MED24: variants seen among roughly 807,000 people sequenced by gnomAD.
MED24 encodes mediator complex subunit 24.
Under a neutral mutation model 118.8 loss-of-function variants are expected in MED24, and 74 were observed. The observed-to-expected ratio is 0.62, with a 90% CI of 0.52 to 0.76. MED24 has a LOEUF of 0.76. Among genes scored for constraint, MED24 ranks in the 30% least tolerant of loss-of-function variants. The pLI, the probability that MED24 is intolerant of heterozygous loss-of-function variation, is 0.00. For missense variants in MED24, 1,041 were observed against 1,278.9 expected, an observed-to-expected ratio of 0.81 and a Z score of 2.84; for synonymous variants, 521 against 523.9, an observed-to-expected ratio of 0.99 and a Z score of 0.08.
chr17:40,048,029 G>GC (rs1985434749), intron 3 of MED24, among the ~76,000 whole-genome samples: 1 of 152,182 alleles, frequency 6.6e-6, no homozygotes, highest in South Asian at 2.1e-4. Context: ...TGCGCCCAGC[G>GC]CAAGATCTTT....
intron 19 of MED24, chr17:40,023,704 G>T (rs1205743232): frequency 3.3e-6 from 1 of 303,096 alleles, no homozygotes; most frequent in East Asian, 7.2e-5. Context: ...CATCCCCCAG[G>T]CCTGGGCCCT....
rs9709063 is a variant in MED24 at position 40,028,659 on chromosome 17, T to A, written c.1409+167A>T. ...AGCTGAAGAGAAAGGAACACTTAGG[T>A]CGTGAGAACAGGCCCTTCCTCCAAG... On this transcript the variant is annotated intron_variant, in intron 14 of 25. Coordinates refer to ENST00000394128, the MANE Select transcript of MED24 (RefSeq NM_014815.4). Among the ~76,000 whole-genome samples, 1,052 of 152,216 alleles carry A rather than the reference T, an allele frequency of 6.9e-3. 13 individuals are homozygous for A. Among genetic ancestry groups the A allele is most frequent in the African/African-American group, 0.023 (961 of 41,528 alleles).
At chr17:40,044,330 G>A (rs1477951557) in intron 3 of MED24, among the ~76,000 whole-genome samples, 3 of 151,752 alleles carry the variant, frequency 2.0e-5, no homozygotes, top group Non-Finnish European at 2.9e-5. Context: ...GAACAGCCTC[G>A]CTAACATGGA....
chr17:40,031,285 A>G, intron 11 of MED24, 40 bp from the exon 12 acceptor site: 2 of 1,530,418 alleles, frequency 1.3e-6, no homozygotes, highest in Non-Finnish European at 1.8e-6. Flanking sequence ...GGGCACCTGG[A>G]TAGGATGGTG....
intron 3 of MED24, among the ~76,000 whole-genome samples, chr17:40,051,224 T>C (rs1244975807): frequency 6.6e-6 from 1 of 151,294 alleles, no homozygotes; most frequent in Non-Finnish European, 1.5e-5. Context: ...GGCAGGACAA[T>C]TGCTTGAACC....
At chr17:40,036,288 A>G in intron 3 of MED24, 134 bp from the exon 4 acceptor site, 1 of 809,288 alleles carries the variant, frequency 1.2e-6, no homozygotes. Context: ...AACCCAAGCA[A>G]GGAGAGGCAG....
At chr17:40,032,166 C>T (rs3935281) in intron 9 of MED24, 76 bp from the exon 10 acceptor site, 565,769 of 1,514,738 alleles carry the variant, frequency 0.37, 109,510 homozygotes, top group Middle Eastern at 0.5. Context: ...GGCATCCCCC[C>T]GAACCCCTGC....
chr17:40,019,410 G>C lies in MED24; in HGVS notation c.*119C>G. 1 of 787,774 alleles carries C rather than the reference G, an allele frequency of 1.3e-6. No homozygotes were observed. The highest frequency in any genetic ancestry group is 2.1e-6 in the Non-Finnish European group (1 of 483,172). 48.8% of individuals were successfully genotyped at this position (787,774 alleles called of 1,614,324 possible). ...AGCGGGGAACTGGAAGCCGCTAGAG[G>C]CTCTTGCACCATGTGGAGCGGATGT... is the stretch of plus-strand genomic sequence containing the variant. On this transcript the variant is annotated 3_prime_UTR_variant, in exon 26 of 26. Transcript: ENST00000394128.
At chr17:40,027,799 G>A (rs1430577109) in intron 15 of MED24, 110 bp downstream of exon 15, 1 of 1,212,902 alleles carries the variant, frequency 8.2e-7, no homozygotes, top group Non-Finnish European at 1.2e-6. Flanking sequence ...CTCTGAGGAG[G>A]GAGCACAGCC....
Position 40,033,392 on chromosome 17 carries a change from G to C in MED24, c.624C>G (p.Asn208Lys). 6.2e-7 allele frequency: 1 copy of C among 1,612,086 alleles called. No homozygotes were observed. Among genetic ancestry groups the C allele is most frequent in the Non-Finnish European group, 8.5e-7 (1 of 1,179,092 alleles). ...GCTCGGCCTGACTCCGGAGCTGCGG[G>C]TTGCTGAGATTGGCCAGGATCTCTC... ...KLGEILANLS[N>K]PQLRSQAEQC... The change falls in exon 7 of 26, where the codon AAC becomes AAG. Residue 208 changes from asparagine to lysine, a missense_variant. This residue lies in a region of MED24 where 434 missense variants were observed against 514.9 expected (regional missense o/e 0.84). Transcript: ENST00000394128. The surrounding 1 kb of genome is among the most constrained non-coding windows in gnomAD (Gnocchi z 5.2).
intron 5 of MED24, 87 bp from the exon 6 acceptor site, chr17:40,035,436 C>A: frequency 7.4e-7 from 1 of 1,354,398 alleles, no homozygotes; most frequent in Admixed American, 2.6e-5. Context: ...CCCTGGCACT[C>A]CCCTACTAGG....
At chr17:40,032,140 T>C in intron 9 of MED24, 50 bp from the exon 10 acceptor site, 4 of 1,594,418 alleles carry the variant, frequency 2.5e-6, no homozygotes, top group Non-Finnish European at 3.4e-6. Flanking sequence ...TCTTTTCTCT[T>C]TCATCTACCC....
At chr17:40,020,412 T>G in intron 23 of MED24, 59 bp from the exon 24 acceptor site, 1 of 1,554,080 alleles carries the variant, frequency 6.4e-7, no homozygotes, top group Non-Finnish European at 8.7e-7. Flanking sequence ...AAAGTGGTGC[T>G]CCCCGGGGAT....
intron 13 of MED24, among the ~76,000 whole-genome samples, chr17:40,029,171 G>T (rs984351706): frequency 6.6e-6 from 1 of 152,216 alleles, no homozygotes; most frequent in Non-Finnish European, 1.5e-5. Context: ...GGTAAGGTTG[G>T]AGTGGGCAAG....
intron 3 of MED24, among the ~76,000 whole-genome samples, chr17:40,052,450 C>G (rs756032857): frequency 6.6e-6 from 1 of 152,182 alleles, no homozygotes; most frequent in Admixed American, 6.5e-5. Context: ...TGCTTATTTA[C>G]ATGTCTATAT....
At chr17:40,028,660 C>T (rs1330917803) in intron 14 of MED24, among the ~76,000 whole-genome samples, 166 bp downstream of exon 14, 4 of 152,314 alleles carry the variant, frequency 2.6e-5, no homozygotes, top group Non-Finnish European at 5.9e-5. Context: ...ACACTTAGGT[C>T]GTGAGAACAG....
intron 19 of MED24, among the ~76,000 whole-genome samples, chr17:40,024,182 T>A (rs1282493061): frequency 6.6e-6 from 1 of 152,128 alleles, no homozygotes; most frequent in African/African-American, 2.4e-5. Context: ...GAAAACGAGA[T>A]GTGCTTTTCC....
intron 3 of MED24, among the ~76,000 whole-genome samples, chr17:40,042,643 C>T (rs1416459118): frequency 6.6e-6 from 1 of 152,246 alleles, no homozygotes; most frequent in South Asian, 2.1e-4. Flanking sequence ...CGCACCACTG[C>T]ACTCCAGCCT....
At chr17:40,021,932 G>T in intron 23 of MED24, 23 bp downstream of exon 23, 1 of 1,523,266 alleles carries the variant, frequency 6.6e-7, no homozygotes, top group Non-Finnish European at 8.9e-7. Context: ...AAGGAGCGGC[G>T]CGCGGCCAGC....
Sources: allele counts gnomAD v4.1 joint callset (sites outside exome capture counted in the v4.1 genomes callset), GRCh38; gene constraint gnomAD v4.1.1; regional missense constraint gnomAD v4.1.1; non-coding constraint Gnocchi (gnomAD v3.1); transcripts MANE v1.5; gene names NCBI Gene and HGNC (gene_info 2026-07-23, HGNC 2026-07-21).